Variants in DLG2 observed in about 807,000 individuals in gnomAD.
DLG2 encodes disks large homolog 2.
A neutral mutation model predicts 132.5 loss-of-function variants in DLG2; 45 were observed. That is an observed-to-expected ratio of 0.34 (90% CI 0.27 to 0.44). The LOEUF is 0.44. Among genes scored for constraint, DLG2 ranks in the 20% least tolerant of loss-of-function variants. The pLI is 1.00. For synonymous variants in DLG2, 424 were observed against 419.6 expected (o/e 1.01, Z -0.13); for missense variants, 1,045 against 1,196.9 (o/e 0.87, Z 1.87).
intron 7 of DLG2, among the ~76,000 whole-genome samples, chr11:84,473,696 ACT>A (rs1448359581): frequency 6.6e-6 from 1 of 151,884 alleles, no homozygotes; most frequent in Non-Finnish European, 1.5e-5. Flanking sequence ...TTCAAAAGAA[ACT>A]CTCTGAAAAG....
chr11:84,711,687 T>C (rs1288643552), intron 6 of DLG2, among the ~76,000 whole-genome samples: 2 of 152,018 alleles, frequency 1.3e-5, no homozygotes, highest in African/African-American at 2.4e-5. Flanking sequence ...AGCTCCCTCT[T>C]ACTCAGGCTT....
intron 6 of DLG2, among the ~76,000 whole-genome samples, chr11:84,582,899 T>A (rs2099520044): frequency 6.6e-6 from 1 of 152,190 alleles, no homozygotes. Context: ...CAGTAAGTAG[T>A]TCAGCTAAGG....
chr11:83,685,541 C>G (rs641737), intron 18 of DLG2, among the ~76,000 whole-genome samples: 54,680 of 151,858 alleles, frequency 0.36, 10,518 homozygotes, highest in African/African-American at 0.48. Context: ...TATCCTTCTA[C>G]GTCTCCTTTG....
chr11:84,487,210 T>C (rs2099153313), intron 7 of DLG2, among the ~76,000 whole-genome samples: 1 of 152,166 alleles, frequency 6.6e-6, no homozygotes, highest in African/African-American at 2.4e-5. Flanking sequence ...TTATAATTTG[T>C]TTACTTGGTT....
chr11:85,565,843 A>T (rs1028863162), intron 3 of DLG2, among the ~76,000 whole-genome samples: 1 of 152,060 alleles, frequency 6.6e-6, no homozygotes, highest in Non-Finnish European at 1.5e-5. Flanking sequence ...AAATATATAT[A>T]TTTTCAATTC....
chr11:85,586,689 G>C (rs1446222346), intron 3 of DLG2, among the ~76,000 whole-genome samples: 1 of 151,208 alleles, frequency 6.6e-6, no homozygotes, highest in Non-Finnish European at 1.5e-5. Context: ...TTTTTGTTTT[G>C]ATTTCATTTG....
At chr11:83,850,238 C>G (rs1168324645) in intron 16 of DLG2, among the ~76,000 whole-genome samples, 1 of 151,662 alleles carries the variant, frequency 6.6e-6, no homozygotes, top group Non-Finnish European at 1.5e-5. Flanking sequence ...ACTGCAACCT[C>G]CGCTTCCCGG....
At chr11:83,965,560 G>T in intron 12 of DLG2, 92 bp from the exon 13 acceptor site, 1 of 1,022,112 alleles carries the variant, frequency 9.8e-7, no homozygotes, top group Non-Finnish European at 1.4e-6. Context: ...TATAAATTGT[G>T]ATAATTACTG....
chr11:83,626,511 G>A lies in DLG2; in HGVS notation c.1940+6700C>T, dbSNP rs552925840. On this transcript the variant is annotated intron_variant, in intron 19 of 27. Transcript: ENST00000376104. ...AATTTATGAATGCCTTAAGTTAAAC[G>A]AGGGGCAAGAAGCTGACCTGAGTGC... Among the ~76,000 whole-genome samples the A allele has an allele frequency of 9.3e-4, 142 of 152,258 alleles. 1 individual carries two copies. Among genetic ancestry groups the A allele is most frequent in the South Asian group, 8.5e-3 (41 of 4,828 alleles).
chr11:85,377,004 C>T (rs1438759113), intron 3 of DLG2, among the ~76,000 whole-genome samples: 1 of 152,160 alleles, frequency 6.6e-6, no homozygotes, highest in Non-Finnish European at 1.5e-5. Flanking sequence ...TCTCAAACAA[C>T]TCCATGAAAT....
intron 3 of DLG2, among the ~76,000 whole-genome samples, chr11:85,313,072 C>A (rs1435273061): frequency 6.6e-6 from 1 of 151,818 alleles, no homozygotes; most frequent in Non-Finnish European, 1.5e-5. Context: ...TGATGTGTGT[C>A]ACATCTAGAC....
chr11:84,438,393 G>A (rs2099007357), intron 7 of DLG2, among the ~76,000 whole-genome samples: 1 of 151,982 alleles, frequency 6.6e-6, no homozygotes, highest in South Asian at 2.1e-4. Context: ...ACGATTTTTT[G>A]ACATAGTTAC....
chr11:83,715,561 T>A (rs1455590539), intron 18 of DLG2, among the ~76,000 whole-genome samples: 1 of 152,212 alleles, frequency 6.6e-6, no homozygotes, highest in South Asian at 2.1e-4. Context: ...CTGTCCTTTG[T>A]TCACTGCAGA....
intron 3 of DLG2, among the ~76,000 whole-genome samples, chr11:85,430,459 C>T (rs1357941379): frequency 6.6e-6 from 1 of 151,824 alleles, no homozygotes; most frequent in East Asian, 1.9e-4. Context: ...CCTATAATAG[C>T]AGTCTAGGTA....
chr11:83,919,406 A>C (rs2077463422), intron 15 of DLG2, among the ~76,000 whole-genome samples: 1 of 152,226 alleles, frequency 6.6e-6, no homozygotes, highest in African/African-American at 2.4e-5. Context: ...CAATAAATAC[A>C]AATCTATATA....
At chr11:85,555,802 C>T (rs990816748) in intron 3 of DLG2, among the ~76,000 whole-genome samples, 2 of 151,808 alleles carry the variant, frequency 1.3e-5, no homozygotes, top group Admixed American at 1.3e-4. Flanking sequence ...TCTGCCACCT[C>T]CCTCAGAGAT....
intron 6 of DLG2, among the ~76,000 whole-genome samples, chr11:84,944,830 G>A (rs557913472): frequency 4.0e-5 from 6 of 151,888 alleles, no homozygotes; most frequent in African/African-American, 9.7e-5. Context: ...GGTCTTGATC[G>A]CCTGACCTCA....
At chr11:83,880,940 T>C (rs2066073894) in intron 15 of DLG2, among the ~76,000 whole-genome samples, 1 of 152,320 alleles carries the variant, frequency 6.6e-6, no homozygotes, top group Admixed American at 6.5e-5. Context: ...TCTTTCTTTA[T>C]GAGATAGTTT....
At chr11:83,719,394 T>C (rs752312897) in intron 18 of DLG2, among the ~76,000 whole-genome samples, 7 of 152,218 alleles carry the variant, frequency 4.6e-5, no homozygotes, top group Non-Finnish European at 8.8e-5. Flanking sequence ...TGTGCTGTTA[T>C]AAAAATAAAA....
Sources: allele counts gnomAD v4.1 joint callset (sites outside exome capture counted in the v4.1 genomes callset), GRCh38; gene constraint gnomAD v4.1.1; transcripts MANE v1.5; gene names NCBI Gene and HGNC (gene_info 2026-07-23, HGNC 2026-07-21).